MAP6: variants seen among roughly 807,000 people sequenced by gnomAD.
The protein encoded by MAP6 is microtubule-associated protein 6.
In MAP6, 26 loss-of-function variants were observed where a neutral mutation model predicts 42.4. That is an observed-to-expected ratio of 0.61 (90% CI 0.45 to 0.85). MAP6 has a LOEUF of 0.85. Ranked by LOEUF, MAP6 falls within the 40% of genes least tolerant of loss-of-function variation. The probability of loss-of-function intolerance (pLI) is 0.00; values close to 1 mark genes in which losing one functional copy is unlikely to be tolerated. For missense variants in MAP6, 966 were observed against 1,099.0 expected (o/e 0.88, Z 1.71); for synonymous variants, 418 against 443.8 (o/e 0.94, Z 0.73).
At chr11:75,660,441 T>TC (rs948528116) in intron 1 of MAP6, among the ~76,000 whole-genome samples, 1 of 152,160 alleles carries the variant, frequency 6.6e-6, no homozygotes, top group Admixed American at 6.5e-5. Context: ...CTGACTTTTT[T>TC]CCCCCTCTAT....
At chr11:75,658,043 C>A (rs376158328) in intron 1 of MAP6, among the ~76,000 whole-genome samples, 5 of 152,166 alleles carry the variant, frequency 3.3e-5, no homozygotes, top group African/African-American at 1.2e-4. Context: ...TAATATTCTG[C>A]TGTATGAATA....
chr11:75,637,504 T>C (rs7128429), intron 1 of MAP6, among the ~76,000 whole-genome samples: 11,053 of 152,168 alleles, frequency 0.073, 600 homozygotes, highest in African/African-American at 0.14. Context: ...GTGTGAAATA[T>C]GTGATCAGGC....
chr11:75,607,343 G>A (rs1301210978), intron 2 of MAP6: 1 of 985,304 alleles, frequency 1.0e-6, no homozygotes, highest in Admixed American at 6.1e-5. Context: ...ATTATAGAGA[G>A]GACAGTGGAT....
intron 3 of MAP6, among the ~76,000 whole-genome samples, chr11:75,589,151 A>C (rs1942429179): frequency 6.6e-6 from 1 of 152,208 alleles, no homozygotes. Context: ...CTTTGCCCTC[A>C]CCAACTTCCA....
chr11:75,618,107 C>CTT (rs111520372), intron 1 of MAP6, among the ~76,000 whole-genome samples: 102 of 108,904 alleles, frequency 9.4e-4, no homozygotes, highest in African/African-American at 3.2e-3. Context: ...TAAGTTTCTG[C>CTT]TTTTTTTTTT....
chr11:75,645,048 C>T (rs950918741), intron 1 of MAP6, among the ~76,000 whole-genome samples: 1 of 152,150 alleles, frequency 6.6e-6, no homozygotes, highest in Non-Finnish European at 1.5e-5. Context: ...AGGAACAACA[C>T]CTAAACCCAA....
Position 75,606,019 on chromosome 11 carries a change from A to G in MAP6, c.1120-15T>C. On this transcript the variant is annotated splice_polypyrimidine_tract_variant and intron_variant, in intron 2 of 3. Transcript: ENST00000304771. ...GGTTTTTCCACCTGTACGGAGAGAC[A>G]GACCGCAAATACAGAAACACAAAAA... 1 of 1,611,674 alleles carries G rather than the reference A, an allele frequency of 6.2e-7. No homozygotes were observed. The highest frequency in any genetic ancestry group is 8.5e-7 in the Non-Finnish European group (1 of 1,179,534).
At chr11:75,618,332 C>T (rs1214452874) in intron 1 of MAP6, among the ~76,000 whole-genome samples, 11 of 152,018 alleles carry the variant, frequency 7.2e-5, no homozygotes, top group East Asian at 1.9e-4. Context: ...CTTGGCTGGG[C>T]GTGGTGGCTC....
At chr11:75,665,392 G>A (rs1943930180) in intron 1 of MAP6, among the ~76,000 whole-genome samples, 4 of 152,216 alleles carry the variant, frequency 2.6e-5, no homozygotes, top group African/African-American at 9.7e-5. Context: ...CTGCCAACTT[G>A]AAATCATAAA....
chr11:75,614,643 C>T (rs1466495533), intron 1 of MAP6, among the ~76,000 whole-genome samples: 1 of 152,216 alleles, frequency 6.6e-6, no homozygotes, highest in Non-Finnish European at 1.5e-5. Flanking sequence ...CACATGATTT[C>T]CTGAGAGACC....
At chr11:75,640,776 G>A (rs1012035667) in intron 1 of MAP6, among the ~76,000 whole-genome samples, 4 of 152,020 alleles carry the variant, frequency 2.6e-5, no homozygotes, top group South Asian at 4.2e-4. Context: ...AATCAAAACC[G>A]CAATGAGATA....
At chr11:75,601,011 ATGGGTTATAGATT>A (rs1381862350) in intron 3 of MAP6, among the ~76,000 whole-genome samples, 1 of 152,202 alleles carries the variant, frequency 6.6e-6, no homozygotes, top group Non-Finnish European at 1.5e-5. Flanking sequence ...AATGTGAGTG[ATGGGTTATAGATT>A]TGCCTCCTGG....
intron 3 of MAP6, chr11:75,605,329 T>C: frequency 1.0e-6 from 1 of 985,980 alleles, no homozygotes; most frequent in Non-Finnish European, 1.2e-6. Flanking sequence ...TTCTTCAAAT[T>C]TTGTCAATTG....
intron 3 of MAP6, chr11:75,602,885 A>G: frequency 1.0e-6 from 1 of 985,656 alleles, no homozygotes; most frequent in Non-Finnish European, 1.2e-6. Flanking sequence ...GCATTTATTT[A>G]TAATTGGAAA....
intron 1 of MAP6, among the ~76,000 whole-genome samples, chr11:75,649,191 T>C (rs1590802593): frequency 7.3e-6 from 1 of 137,232 alleles, no homozygotes; most frequent in South Asian, 2.3e-4. Flanking sequence ...TGATGGCAGA[T>C]TTATACAGCC....
At chr11:75,637,296 G>T (rs1165676430) in intron 1 of MAP6, among the ~76,000 whole-genome samples, 1 of 152,068 alleles carries the variant, frequency 6.6e-6, no homozygotes, top group Non-Finnish European at 1.5e-5. Context: ...TTATTCACAG[G>T]CTCCTTTCAA....
chr11:75,640,627 A>G (rs1943450743), intron 1 of MAP6, among the ~76,000 whole-genome samples: 1 of 152,240 alleles, frequency 6.6e-6, no homozygotes, highest in South Asian at 2.1e-4. Context: ...GAACTCAAAC[A>G]AATTTACAAG....
At chr11:75,610,855 G>A (rs1014279828) in intron 1 of MAP6, among the ~76,000 whole-genome samples, 3 of 152,048 alleles carry the variant, frequency 2.0e-5, no homozygotes, top group South Asian at 2.1e-4. Flanking sequence ...GCTGGGGGGC[G>A]GTAGTCCCCC....
chr11:75,663,256 G>A (rs1399997296), intron 1 of MAP6, among the ~76,000 whole-genome samples: 1 of 152,108 alleles, frequency 6.6e-6, no homozygotes, highest in Non-Finnish European at 1.5e-5. Flanking sequence ...TGGGATTACA[G>A]GCGTGAGCCA....
Sources: allele counts gnomAD v4.1 joint callset (sites outside exome capture counted in the v4.1 genomes callset), GRCh38; gene constraint gnomAD v4.1.1; transcripts MANE v1.5; gene names NCBI Gene and HGNC (gene_info 2026-07-23, HGNC 2026-07-21).